The following CEP57 variants were observed in gnomAD, a reference collection of about 807,000 sequenced individuals.
The protein encoded by CEP57 is centrosomal protein 57.
A neutral mutation model predicts 68.0 loss-of-function variants in CEP57; 40 were observed. That is an observed-to-expected ratio of 0.59 (90% CI 0.46 to 0.77). The LOEUF is 0.77. Among genes scored for constraint, CEP57 ranks in the 30% least tolerant of loss-of-function variants. CEP57 has a pLI of 0.00. For synonymous variants in CEP57, 219 were observed against 198.7 expected (o/e 1.10, Z -0.86); for missense variants, 606 against 580.7 (o/e 1.04, Z -0.45).
In CEP57 at chr11:95,801,722, C is replaced by G. The variant is rs369761118; in HGVS notation, c.202+2334C>G. ...ATATTAAGAAGGCAGATTTATTCACCGAGAATCAGAAAAATTTTAGCACAG... is the reference window on the plus strand; with the variant it reads ...ATATTAAGAAGGCAGATTTATTCACGGAGAATCAGAAAAATTTTAGCACAG... On this transcript the variant is annotated intron_variant, in intron 2 of 10. Transcript: ENST00000325542. Among the ~76,000 whole-genome samples, 3 of 151,338 alleles carry G rather than the reference C, an allele frequency of 2.0e-5. No homozygotes were observed. The East Asian group carries it at 5.8e-4, about 29-fold the overall frequency.
intron 2 of CEP57, among the ~76,000 whole-genome samples, chr11:95,811,303 C>T (rs990460737): frequency 6.6e-6 from 1 of 151,892 alleles, no homozygotes; most frequent in Admixed American, 6.6e-5. Flanking sequence ...AGCTGGAAAC[C>T]ATCATTCTGA....
chr11:95,818,926 T>A, intron 6 of CEP57, 22 bp downstream of exon 6: 1 of 1,575,078 alleles, frequency 6.3e-7, no homozygotes, highest in Non-Finnish European at 8.7e-7. Context: ...TGTGAGAAAG[T>A]GGGCTCTTCA....
chr11:95,823,710 C>T (rs1862609896), intron 8 of CEP57, among the ~76,000 whole-genome samples: 1 of 151,992 alleles, frequency 6.6e-6, no homozygotes, highest in African/African-American at 2.4e-5. Flanking sequence ...ATTTTGTAGC[C>T]ACCTTCTGTT....
chr11:95,817,184 G>A (rs1412883697), intron 4 of CEP57, among the ~76,000 whole-genome samples: 1 of 150,798 alleles, frequency 6.6e-6, no homozygotes, highest in Non-Finnish European at 1.5e-5. Context: ...TGGCTAACAC[G>A]ATGAAACCAC....
chr11:95,825,030 G>C (rs1862679302), intron 8 of CEP57, among the ~76,000 whole-genome samples: 1 of 152,162 alleles, frequency 6.6e-6, no homozygotes, highest in East Asian at 1.9e-4. Context: ...CTACCCAGGA[G>C]CATGGAAGTT....
chr11:95,790,437 C>A, upstream of CEP57: 2 of 572,676 alleles, frequency 3.5e-6, no homozygotes, highest in Non-Finnish European at 3.1e-6. Context: ...TTCTCTCCTA[C>A]TACAGAAAGA....
chr11:95,818,106 T>A, intron 5 of CEP57: 1 of 541,562 alleles, frequency 1.8e-6, no homozygotes, highest in Non-Finnish European at 3.3e-6. Flanking sequence ...TATGAAAATG[T>A]TTGTTAAAAA....
chr11:95,794,030 C>A (rs562077592), intron 1 of CEP57, among the ~76,000 whole-genome samples: 16 of 152,066 alleles, frequency 1.1e-4, no homozygotes, highest in Non-Finnish European at 2.1e-4. Context: ...AATAACATAT[C>A]CAACAGAGCG....
rs747295123 is a variant in CEP57 at position 95,829,327 on chromosome 11, C to G, written c.1268C>G (p.Ala423Gly). 6.2e-7 allele frequency: 1 copy of G among 1,613,522 alleles called. No homozygotes were observed. The highest frequency in any genetic ancestry group is 8.5e-7 in the Non-Finnish European group (1 of 1,179,846). The change falls in exon 10 of 11, where the codon GCC becomes GGC. Residue 423 changes from alanine to glycine, a missense_variant. By Grantham distance (60) the Ala-to-Gly change is moderately conservative. Transcript: ENST00000325542. The part of the protein sequence containing the change: ...NQITKVRKYQ[A>G]QLEKQKLEKQ... ...ATAACTAAAGTTCGAAAATACCAAG[C>G]CCAGGTAACTCAGTTTTCCTTCACT...
At chr11:95,795,596 A>G in intron 1 of CEP57, 4 of 508,976 alleles carry the variant, frequency 7.9e-6, no homozygotes, top group Non-Finnish European at 1.4e-5. Context: ...TTTAAAAGGA[A>G]TATTTCAAGT....
chr11:95,808,178 G>A lies in CEP57; in HGVS notation c.203-4754G>A, dbSNP rs191049452. On this transcript the variant is annotated intron_variant, in intron 2 of 10. Coordinates refer to ENST00000325542, the MANE Select transcript of CEP57 (RefSeq NM_014679.5). Reference sequence around the variant, plus strand: ...AGACAAGCAAATGCTGAGAGATTTTGTTACCACCAGGCCTGCCTTACAAGA... The same window carrying A: ...AGACAAGCAAATGCTGAGAGATTTTATTACCACCAGGCCTGCCTTACAAGA... Among the ~76,000 whole-genome samples, 577 of 151,872 alleles carry A rather than the reference G, an allele frequency of 3.8e-3. 4 individuals carry two copies. Among genetic ancestry groups the A allele is most frequent in the Middle Eastern group, 0.024 (7 of 292 alleles).
chr11:95,811,853 A>G lies in CEP57; in HGVS notation c.203-1079A>G, dbSNP rs575062066. 1.1e-4 allele frequency among the ~76,000 whole-genome samples: 16 copies of G among 152,308 alleles called. No homozygotes were observed. In the South Asian group the frequency reaches 3.3e-3, roughly 32 times the overall value. On this transcript the variant is annotated intron_variant, in intron 2 of 10. Coordinates refer to ENST00000325542, the MANE Select transcript of CEP57 (RefSeq NM_014679.5). Reference sequence around the variant, plus strand: ...TTCTTCTTTGACCCAGTAACTTTTTAGTTTTTAATTATTGATCATTAGAAA... The same window carrying G: ...TTCTTCTTTGACCCAGTAACTTTTTGGTTTTTAATTATTGATCATTAGAAA...
intron 2 of CEP57, among the ~76,000 whole-genome samples, chr11:95,804,178 G>C (rs1861696041): frequency 1.3e-5 from 2 of 152,118 alleles, no homozygotes; most frequent in South Asian, 4.1e-4. Flanking sequence ...ATAAATAGCT[G>C]ACAAAGGTGT....
At chr11:95,797,993 T>A (rs1177811192) in intron 1 of CEP57, among the ~76,000 whole-genome samples, 1 of 152,232 alleles carries the variant, frequency 6.6e-6, no homozygotes, top group African/African-American at 2.4e-5. Flanking sequence ...GACAATATTA[T>A]AAAGAATTGA....
rs143978565 is a variant in CEP57, at chr11:95,799,799, C to G, written c.202+411C>G. 5.3e-5 allele frequency among the ~76,000 whole-genome samples: 8 copies of G among 152,284 alleles called. No homozygotes were observed. In the East Asian group the frequency reaches 1.5e-3, roughly 29 times the overall value. ...TCCCTGCCTGTTTTCTCCTCCTCATCCCCAGTTAACAACATTTCTGTCATT... is the reference window on the plus strand; with the variant it reads ...TCCCTGCCTGTTTTCTCCTCCTCATGCCCAGTTAACAACATTTCTGTCATT... On this transcript the variant is annotated intron_variant, in intron 2 of 10. Coordinates refer to ENST00000325542, the MANE Select transcript of CEP57 (RefSeq NM_014679.5).
intron 1 of CEP57, among the ~76,000 whole-genome samples, chr11:95,791,077 A>G (rs1861035482): frequency 6.6e-6 from 1 of 152,212 alleles, no homozygotes; most frequent in South Asian, 2.1e-4. Flanking sequence ...TCTTTTGGTC[A>G]CGTGGGTTCA....
intron 2 of CEP57, among the ~76,000 whole-genome samples, chr11:95,807,640 G>T (rs1046159467): frequency 9.2e-5 from 14 of 152,160 alleles, no homozygotes; most frequent in African/African-American, 3.4e-4. Flanking sequence ...TCAAATGAAT[G>T]AAATGAAGCG....
At chr11:95,816,005 C>T (rs1046989657) in intron 4 of CEP57, among the ~76,000 whole-genome samples, 2 of 152,036 alleles carry the variant, frequency 1.3e-5, no homozygotes, top group African/African-American at 2.4e-5. Flanking sequence ...GAAGATTTTC[C>T]TTTCTTGCTT....
rs547808049 is a variant in CEP57, at chr11:95,801,791, T to C, written c.202+2403T>C. 2.7e-5 allele frequency among the ~76,000 whole-genome samples: 4 copies of C among 149,954 alleles called. No individual in the cohort carries two copies. The Admixed American group carries it at 2.7e-4, about 10-fold the overall frequency. On this transcript the variant is annotated intron_variant, in intron 2 of 10. Coordinates refer to ENST00000325542, the MANE Select transcript of CEP57 (RefSeq NM_014679.5). ...AAATTCTGCTTGAGTGCAACATCAG[T>C]GGTTTTAAGGAATAAAAGAGAAGTG...
Sources: allele counts gnomAD v4.1 joint callset (sites outside exome capture counted in the v4.1 genomes callset), GRCh38; gene constraint gnomAD v4.1.1; transcripts MANE v1.5; gene names NCBI Gene and HGNC (gene_info 2026-07-23, HGNC 2026-07-21).